The following ETV6 variants were observed in gnomAD, a reference collection of about 807,000 sequenced individuals.
The protein encoded by ETV6 is ETS variant transcription factor 6.
In ETV6, 16 loss-of-function variants were observed where a neutral mutation model predicts 51.1. The ratio of observed to expected loss-of-function variants is 0.31; its 90% CI spans 0.21 to 0.48. The LOEUF (loss-of-function observed/expected upper bound fraction) is 0.48, where lower values mean the gene tolerates loss of function less well. Ranked by LOEUF, ETV6 falls within the 20% of genes least tolerant of loss-of-function variation. ETV6 has a pLI of 0.99. For missense variants in ETV6, 458 were observed against 594.8 expected, an observed-to-expected ratio of 0.77 and a Z score of 2.39; for synonymous variants, 240 against 224.1, an observed-to-expected ratio of 1.07 and a Z score of -0.64.
chr12:11,839,107 C>G (rs749495494), intron 2 of ETV6, 33 bp from the exon 3 acceptor site: 9 of 1,597,560 alleles, frequency 5.6e-6, no homozygotes, highest in Non-Finnish European at 6.8e-6. Flanking sequence ...AGACCTTTCT[C>G]TCTTTCTTTC....
At chr12:11,890,537 C>T (rs1947270885) in intron 7 of ETV6, among the ~76,000 whole-genome samples, 1 of 151,892 alleles carries the variant, frequency 6.6e-6, no homozygotes. Flanking sequence ...AAGGGATTCT[C>T]CCACCTCAGC....
chr12:11,697,280 C>A (rs1359761253), intron 1 of ETV6, among the ~76,000 whole-genome samples: 1 of 152,188 alleles, frequency 6.6e-6, no homozygotes, highest in East Asian at 1.9e-4. Context: ...CCCGAGAACT[C>A]CTCCATTCGT....
chr12:11,740,964 C>T (rs1202728689), intron 1 of ETV6, among the ~76,000 whole-genome samples: 2 of 152,130 alleles, frequency 1.3e-5, no homozygotes, highest in African/African-American at 4.8e-5. Context: ...AGGTTTTGTG[C>T]TAGTTCTAGT....
intron 2 of ETV6, among the ~76,000 whole-genome samples, chr12:11,777,544 T>G (rs933051661): frequency 1.3e-5 from 2 of 152,038 alleles, no homozygotes; most frequent in African/African-American, 4.8e-5. Flanking sequence ...GCACCTAGAT[T>G]TATTGTGTCA....
intron 3 of ETV6, among the ~76,000 whole-genome samples, chr12:11,851,679 T>C (rs1946557473): frequency 6.6e-6 from 1 of 152,238 alleles, no homozygotes. Context: ...TCTGCAGCTC[T>C]TTGAGGTATT....
intron 4 of ETV6, among the ~76,000 whole-genome samples, chr12:11,868,889 G>A (rs776932476): frequency 7.2e-5 from 11 of 152,136 alleles, no homozygotes; most frequent in East Asian, 1.9e-4. Context: ...GGTCATTAAC[G>A]GAATGCTTGT....
intron 4 of ETV6, among the ~76,000 whole-genome samples, chr12:11,856,276 G>A (rs1565554054): frequency 6.6e-6 from 1 of 152,212 alleles, no homozygotes; most frequent in Non-Finnish European, 1.5e-5. Context: ...TATGATGTTG[G>A]TGGTTGTGAG....
At chr12:11,849,235 C>T (rs139715034) in intron 3 of ETV6, among the ~76,000 whole-genome samples, 6 of 152,154 alleles carry the variant, frequency 3.9e-5, no homozygotes, top group East Asian at 1.9e-4. Context: ...CTCAGCCTCC[C>T]GAGTAGCCGG....
chr12:11,860,852 AC>A (rs1946706130), intron 4 of ETV6, among the ~76,000 whole-genome samples: 1 of 152,222 alleles, frequency 6.6e-6, no homozygotes, highest in African/African-American at 2.4e-5. Context: ...TATCGCAACT[AC>A]ATCCACTTTG....
chr12:11,693,351 C>G (rs573378304), intron 1 of ETV6, among the ~76,000 whole-genome samples: 3 of 152,270 alleles, frequency 2.0e-5, no homozygotes, highest in Admixed American at 6.5e-5. Flanking sequence ...CTGTGAGTCT[C>G]TTCAGTTTTG....
At chr12:11,752,179 A>G (rs977714074) in intron 1 of ETV6, among the ~76,000 whole-genome samples, 1 of 152,024 alleles carries the variant, frequency 6.6e-6, no homozygotes, top group East Asian at 1.9e-4. Context: ...TACTTGTACA[A>G]ACCACAGGGT....
At chr12:11,821,180 GC>G (rs1946075053) in intron 2 of ETV6, among the ~76,000 whole-genome samples, 1 of 151,576 alleles carries the variant, frequency 6.6e-6, no homozygotes, top group African/African-American at 2.4e-5. Context: ...GGCTAACACG[GC>G]AAAACCCCAT....
At chr12:11,888,126 T>C (rs1947227143) in intron 7 of ETV6, among the ~76,000 whole-genome samples, 1 of 152,240 alleles carries the variant, frequency 6.6e-6, no homozygotes, top group Non-Finnish European at 1.5e-5. Flanking sequence ...ACAACGTCTT[T>C]CTGTCTCTAG....
At chr12:11,689,313 A>T (rs946184024) in intron 1 of ETV6, among the ~76,000 whole-genome samples, 1 of 152,156 alleles carries the variant, frequency 6.6e-6, no homozygotes, top group Non-Finnish European at 1.5e-5. Flanking sequence ...GAAATTAGGA[A>T]TAGTAGGGTC....
chr12:11,786,545 A>G (rs1220266453), intron 2 of ETV6, among the ~76,000 whole-genome samples: 1 of 152,204 alleles, frequency 6.6e-6, no homozygotes, highest in Non-Finnish European at 1.5e-5. Context: ...GTTTATGTCT[A>G]GAGGAGAGTC....
intron 1 of ETV6, among the ~76,000 whole-genome samples, chr12:11,714,930 G>A (rs1170741238): frequency 3.9e-5 from 6 of 152,174 alleles, no homozygotes; most frequent in Non-Finnish European, 7.3e-5. Flanking sequence ...ACTGACAGTC[G>A]TGGAAGGTGG....
chr12:11,682,316 A>G (rs1003591057), intron 1 of ETV6, among the ~76,000 whole-genome samples: 2 of 152,218 alleles, frequency 1.3e-5, no homozygotes, highest in African/African-American at 4.8e-5. Flanking sequence ...TGTAATGACC[A>G]GTGATGATGA....
At chr12:11,820,842 T>C (rs1033537618) in intron 2 of ETV6, among the ~76,000 whole-genome samples, 8 of 151,906 alleles carry the variant, frequency 5.3e-5, no homozygotes, top group African/African-American at 1.9e-4. Flanking sequence ...AACAGAGGAG[T>C]GATGTGATTT....
chr12:11,795,885 CACTT>C (rs944076484), intron 2 of ETV6, among the ~76,000 whole-genome samples: 32 of 152,236 alleles, frequency 2.1e-4, no homozygotes, highest in Admixed American at 1.7e-3. Flanking sequence ...AAATGTAAAA[CACTT>C]AGTACAGTGT....
Sources: gnomAD v4.1 joint callset for allele counts (sites outside exome capture counted in the v4.1 genomes callset) on GRCh38, gnomAD v4.1.1 for gene constraint, MANE v1.5 for transcripts, NCBI Gene and HGNC (gene_info 2026-07-23, HGNC 2026-07-21) for gene names.